Variants in SPTBN5 observed in about 807,000 individuals in gnomAD.
SPTBN5 encodes the protein spectrin beta chain, non-erythrocytic 5.
SPTBN5 carries 513 observed loss-of-function variants against 477.6 expected under a neutral mutation model. That is an observed-to-expected ratio of 1.07 (90% CI 1.00 to 1.16). The LOEUF (loss-of-function observed/expected upper bound fraction) is 1.16, where lower values mean the gene tolerates loss of function less well. Among genes scored for constraint, SPTBN5 ranks in the 50% most tolerant of loss-of-function variants. The pLI is 0.00. For synonymous variants in SPTBN5, 2,169 were observed against 2,011.7 expected, an observed-to-expected ratio of 1.08 and a Z score of -2.09; for missense variants, 5,062 against 4,731.8, an observed-to-expected ratio of 1.07 and a Z score of -2.05.
chr15:41,850,801 C>T, intron 66 of SPTBN5, 53 bp downstream of exon 66: 1 of 1,483,976 alleles, frequency 6.7e-7, no homozygotes, highest in Non-Finnish European at 9.1e-7. Context: ...GGCCCAGGAG[C>T]TTGGGGCCCA....
At chr15:41,888,422 C>T (rs1404752067) in intron 4 of SPTBN5, among the ~76,000 whole-genome samples, 2 of 152,228 alleles carry the variant, frequency 1.3e-5, no homozygotes, top group African/African-American at 2.4e-5. Flanking sequence ...GCTAACTGAC[C>T]TAGGCTCATG....
chr15:41,885,592 G>T, intron 7 of SPTBN5, 143 bp downstream of exon 7: 1 of 1,043,292 alleles, frequency 9.6e-7, no homozygotes, highest in Non-Finnish European at 1.3e-6. Flanking sequence ...ATCACTGGGA[G>T]ATAGATCTTT....
chr15:41,848,247 G>GTTC lies in SPTBN5; in HGVS notation c.*366_*368dup. 2.0e-6 allele frequency: 1 copy of GTTC among 495,402 alleles called. No individual in the cohort carries two copies. The highest frequency in any genetic ancestry group is 3.7e-6 in the Non-Finnish European group (1 of 272,766). 30.7% of individuals were successfully genotyped at this position (495,402 alleles called of 1,614,324 possible). A position where few individuals can be genotyped will look rare whatever the true frequency, so the allele number is the denominator to read the frequency against. ...GCTGGTACAGAGCTCGCTCATCAGT[G>GTTC]TTCTTCCTCCGAAGAGCACATTCTC... On this transcript the variant is annotated 3_prime_UTR_variant, in exon 68 of 68. Coordinates refer to ENST00000320955, the MANE Select transcript of SPTBN5 (RefSeq NM_016642.4).
At chr15:41,871,970 G>A in intron 27 of SPTBN5, 53 bp from the exon 28 acceptor site, 2 of 1,465,638 alleles carry the variant, frequency 1.4e-6, no homozygotes, top group South Asian at 1.4e-5. Context: ...CCCCCTGGGG[G>A]CCAGTCGGGC....
chr15:41,879,127 C>T, intron 16 of SPTBN5, 133 bp downstream of exon 16: 2 of 1,065,556 alleles, frequency 1.9e-6, no homozygotes, highest in South Asian at 3.3e-5. Context: ...CTGATCATCC[C>T]CCCATCTTTG....
chr15:41,875,723 C>A, intron 21 of SPTBN5, 101 bp from the exon 22 acceptor site: 1 of 1,243,778 alleles, frequency 8.0e-7, no homozygotes, highest in Non-Finnish European at 1.1e-6. Flanking sequence ...GAGGGGGTGA[C>A]CACAGCTGCA....
chr15:41,876,827 T>C lies in SPTBN5; in HGVS notation c.3833A>G (p.Gln1278Arg). The C allele has an allele frequency of 1.3e-6, 2 of 1,597,410 alleles. No individual in the cohort carries two copies. Among genetic ancestry groups the C allele is most frequent in the Non-Finnish European group, 1.7e-6 (2 of 1,175,262 alleles). ...RAHGEKLVQS[Q>R]HPAAHTVREQ... ...GGCTCACGTGTGTGCAGCTGGGTGC[T>C]GGCTCTGAACCAGCTTCTCGCCGTG... Residue 1278 changes from glutamine to arginine, a missense_variant, in exon 19 of 68, where the codon CAG (glutamine) becomes CGG (arginine). Transcript: ENST00000320955.
chr15:41,853,204 G>T, intron 59 of SPTBN5, 54 bp downstream of exon 59: 1 of 1,540,870 alleles, frequency 6.5e-7, no homozygotes, highest in East Asian at 2.3e-5. Flanking sequence ...TGAGGCCCTG[G>T]GCAATCAGGC....
chr15:41,877,665 G>A (rs2066790784), intron 17 of SPTBN5, among the ~76,000 whole-genome samples: 1 of 152,050 alleles, frequency 6.6e-6, no homozygotes, highest in South Asian at 2.1e-4. Context: ...CCCCATGGAG[G>A]CTTTGAACAA....
Position 41,855,677 on chromosome 15 carries a change from A to G in SPTBN5, c.9090T>C (p.Ser3030=), listed in dbSNP as rs759225116. 3 of 1,604,836 alleles carry G rather than the reference A, an allele frequency of 1.9e-6. No individual in the cohort carries two copies. The highest frequency in any genetic ancestry group is 2.5e-6 in the Non-Finnish European group (3 of 1,177,632). ...GCAGAAGGGCCTGTGTGGCTTCAGC[A>G]CTGTGGCCCATGTCCTCGCTGTCCA... ...HVLDSEDMGH[S]AEATQALLRR... Residue 3030 remains serine (S), a synonymous_variant, in exon 54 of 68, where the codon AGT becomes AGC. Transcript: ENST00000320955.
At chr15:41,865,040 G>T (rs935286504) in intron 39 of SPTBN5, among the ~76,000 whole-genome samples, 3 of 152,258 alleles carry the variant, frequency 2.0e-5, no homozygotes, top group African/African-American at 7.2e-5. Flanking sequence ...CACAGCGTCT[G>T]TGAAATTCCA....
Position 41,872,439 on chromosome 15 carries a change from G to A in SPTBN5, c.5028C>T (p.Ala1676=). The A allele has an allele frequency of 3.2e-6, 5 of 1,567,994 alleles. No homozygotes were observed. Among genetic ancestry groups the A allele is most frequent in the Non-Finnish European group, 4.3e-6 (5 of 1,156,946 alleles). ...GCTCCTCCATGGAGCTCCAGTAAAT[G>A]GCTAGTTCCTCCTGTAGAGCCTATG... ...NKHQALQEEL[A]IYWSSMEELD... The change falls in exon 27 of 68, where the codon GCC becomes GCT. Residue 1676 remains alanine (A), a synonymous_variant. Transcript: ENST00000320955.
rs1486198407 is a variant in SPTBN5 at position 41,856,908 on chromosome 15, G to T, written c.8753C>A (p.Ala2918Asp). Residue 2918 changes from alanine (A) to aspartate (D), a missense_variant, in exon 52 of 68, where the codon GCC becomes GAC. Ala to Asp is a moderately radical substitution (Grantham distance 126, BLOSUM62 -2). Transcript: ENST00000320955. ...ACTCAGGCTCTGGCCATAGTCCTGGGCAGCGGCCAGAGGCAGCTTCTCCTG... is the reference window on the plus strand; with the variant it reads ...ACTCAGGCTCTGGCCATAGTCCTGGTCAGCGGCCAGAGGCAGCTTCTCCTG... ...WVQEKLPLAAAQDYGQSLSAV... is the reference protein window; with the variant it reads ...WVQEKLPLAADQDYGQSLSAV... 6.4e-7 allele frequency: 1 copy of T among 1,553,976 alleles called. No individual in the cohort carries two copies. Among genetic ancestry groups the T allele is most frequent in the Non-Finnish European group, 8.7e-7 (1 of 1,148,968 alleles).
chr15:41,882,201 G>C, intron 11 of SPTBN5, 56 bp from the exon 12 acceptor site: 1 of 1,474,792 alleles, frequency 6.8e-7, no homozygotes, highest in South Asian at 1.3e-5. Flanking sequence ...AGCGCGGGCA[G>C]GTGCTGGCAC....
Position 41,876,656 on chromosome 15 carries a change from C to CGGGG in SPTBN5, c.3852-13_3852-10dup, listed in dbSNP as rs371773496. 7.1e-4 allele frequency: 497 copies of CGGGG among 704,928 alleles called. No individual in the cohort carries two copies. Among genetic ancestry groups the CGGGG allele is most frequent in the Non-Finnish European group, 9.8e-4 (449 of 455,978 alleles). The allele number at this position is 704,928 out of a possible 1,614,324, so 43.7% of individuals were successfully genotyped here. ...GCAGCTGCTCTCTGACCCTGGAGGG[C>CGGGG]GGGGGGGGGTTGGAGGAGGGCATGG... On this transcript the variant is annotated splice_polypyrimidine_tract_variant and intron_variant, in intron 19 of 67. Coordinates refer to ENST00000320955, the MANE Select transcript of SPTBN5 (RefSeq NM_016642.4).
chr15:41,885,708 G>C, intron 7 of SPTBN5, 27 bp downstream of exon 7: 1 of 1,540,876 alleles, frequency 6.5e-7, no homozygotes, highest in Non-Finnish European at 8.8e-7. Context: ...AGCCAGCTGT[G>C]GGGAGAGTTC....
At position 41,862,639 on chromosome 15, in the gene SPTBN5, G is replaced by T. The variant is rs762574016; in HGVS notation, c.7285C>A (p.Arg2429Ser). The T allele has an allele frequency of 1.3e-6, 2 of 1,555,166 alleles. No homozygotes were observed. The highest frequency in any genetic ancestry group is 1.7e-6 in the Non-Finnish European group (2 of 1,152,876). ...GCCTCGGGGCTTCTTTGGCAGAGGC[G>T]GCCCACTTCACGCTCTAGGGACTGC... Reference protein sequence around the residue: ...QVESLEREVGRLCQRSPEAAH... With the variant: ...QVESLEREVGSLCQRSPEAAH... Residue 2429 changes from arginine to serine, a missense_variant, in exon 43 of 68, where the codon CGC (arginine) becomes AGC (serine). Physicochemically the swap from Arg to Ser is moderately radical, Grantham distance 110. Coordinates refer to ENST00000320955, the MANE Select transcript of SPTBN5 (RefSeq NM_016642.4).
chr15:41,859,263 A>G (rs2066022947), intron 47 of SPTBN5, among the ~76,000 whole-genome samples: 2 of 152,060 alleles, frequency 1.3e-5, no homozygotes, highest in South Asian at 4.1e-4. Flanking sequence ...GGTTCAAGCA[A>G]TTCTTCTGCC....
chr15:41,875,530 G>A lies in SPTBN5; in HGVS notation c.4215C>T (p.Asn1405=). The stretch of plus-strand genomic sequence containing the variant: ...CGTCCCCACGCTCAGTCATCTTGCG[G>A]TTCAAAGCTTCCCACTTGCTTCTCA... ...QGLRSKWEAL[N]RKMTERGDEL... is the part of the protein sequence containing the mutation. The change falls in exon 22 of 68, where the codon AAC becomes AAT. Residue 1405 remains asparagine, a synonymous_variant. Coordinates refer to ENST00000320955, the MANE Select transcript of SPTBN5 (RefSeq NM_016642.4). 4 of 1,612,146 alleles carry A rather than the reference G, an allele frequency of 2.5e-6. No homozygotes were observed. The highest frequency in any genetic ancestry group is 2.5e-6 in the Non-Finnish European group (3 of 1,179,276).
Sources: gnomAD v4.1 joint callset for allele counts (sites outside exome capture counted in the v4.1 genomes callset) on GRCh38, gnomAD v4.1.1 for gene constraint, MANE v1.5 for transcripts, NCBI Gene and HGNC (gene_info 2026-07-23, HGNC 2026-07-21) for gene names.